Variants in HEMK2 observed in about 807,000 individuals in gnomAD.
The protein encoded by HEMK2 is methyltransferase HEMK2.
chr21:28,728,122 A>G, the HEMK2 span, among the ~76,000 whole-genome samples: 2 of 152,286 alleles, frequency 1.3e-5, no homozygotes, highest in African/African-American at 4.8e-5. Flanking sequence ...CTTAAACTCT[A>G]AGTTTGTGGT....
At chr21:28,842,798 A>G in the HEMK2 span, among the ~76,000 whole-genome samples, 2 of 152,166 alleles carry the variant, frequency 1.3e-5, no homozygotes, top group East Asian at 3.8e-4. Context: ...CCAGTAAGCA[A>G]CTGGGAAGAT....
chr21:28,864,865 A>AGATG, the HEMK2 span, among the ~76,000 whole-genome samples: 11 of 131,308 alleles, frequency 8.4e-5, no homozygotes, highest in Admixed American at 3.9e-4. Context: ...ATAGATAGAT[A>AGATG]GATGGATGAT....
At chr21:28,643,844 C>G in the HEMK2 span, among the ~76,000 whole-genome samples, 1 of 152,350 alleles carries the variant, frequency 6.6e-6, no homozygotes, top group East Asian at 1.9e-4. Flanking sequence ...ATGAAGTCAG[C>G]AGGAAGCTCT....
chr21:28,744,597 T>C, the HEMK2 span, among the ~76,000 whole-genome samples: 1 of 152,222 alleles, frequency 6.6e-6, no homozygotes, highest in Non-Finnish European at 1.5e-5. Context: ...ACTTATCCAC[T>C]AATTTATGAT....
At chr21:28,808,749 GT>G in the HEMK2 span, among the ~76,000 whole-genome samples, 1 of 151,978 alleles carries the variant, frequency 6.6e-6, no homozygotes, top group African/African-American at 2.4e-5. Context: ...TCACTTATGA[GT>G]TCTAGTGGTT....
chr21:28,877,462 GA>G, the HEMK2 span, among the ~76,000 whole-genome samples: 846 of 147,994 alleles, frequency 5.7e-3, 13 homozygotes, highest in African/African-American at 0.02. Context: ...CAGAAGGAAG[GA>G]AAAAAAGAAG....
chr21:28,614,625 T>G, the HEMK2 span, among the ~76,000 whole-genome samples: 1 of 152,268 alleles, frequency 6.6e-6, no homozygotes, highest in East Asian at 1.9e-4. Context: ...CTAAATGACA[T>G]TTTTTGGAAG....
At chr21:28,841,433 T>TATAAA in the HEMK2 span, among the ~76,000 whole-genome samples, 13 of 79,178 alleles carry the variant, frequency 1.6e-4, 1 homozygote, top group African/African-American at 6.2e-4. Flanking sequence ...ATAAAATATA[T>TATAAA]ATATTATATA....
At chr21:28,754,027 A>C in the HEMK2 span, among the ~76,000 whole-genome samples, 1 of 152,220 alleles carries the variant, frequency 6.6e-6, no homozygotes, top group Non-Finnish European at 1.5e-5. Flanking sequence ...AAGATCATTC[A>C]GTACGTGTTT....
the HEMK2 span, among the ~76,000 whole-genome samples, chr21:28,844,213 A>C: frequency 6.6e-6 from 1 of 152,088 alleles, no homozygotes; most frequent in African/African-American, 2.4e-5. Context: ...ATTAACAGTC[A>C]ATACCATCTG....
At chr21:28,681,497 A>G in the HEMK2 span, among the ~76,000 whole-genome samples, 1 of 152,244 alleles carries the variant, frequency 6.6e-6, no homozygotes, top group East Asian at 1.9e-4. Flanking sequence ...TATAGATTCA[A>G]TGCCATCCCC....
At chr21:28,864,429 CAAAAGAG>C in the HEMK2 span, among the ~76,000 whole-genome samples, 1 of 152,074 alleles carries the variant, frequency 6.6e-6, no homozygotes, top group Admixed American at 6.5e-5. Flanking sequence ...GATGTATGTC[CAAAAGAG>C]CATTGCACCA....
chr21:28,691,571 C>T, the HEMK2 span, among the ~76,000 whole-genome samples: 1 of 152,010 alleles, frequency 6.6e-6, no homozygotes, highest in Non-Finnish European at 1.5e-5. Flanking sequence ...ATACTGCCCC[C>T]GAGCCTGCAA....
At chr21:28,596,183 AT>A in the HEMK2 span, among the ~76,000 whole-genome samples, 4 of 151,748 alleles carry the variant, frequency 2.6e-5, no homozygotes, top group Admixed American at 6.6e-5. Flanking sequence ...CACCTGGCTA[AT>A]TTTTTTGTAT....
At chr21:28,640,990 G>C in the HEMK2 span, among the ~76,000 whole-genome samples, 1 of 152,026 alleles carries the variant, frequency 6.6e-6, no homozygotes, top group East Asian at 1.9e-4. Context: ...GCGCATATTG[G>C]GCTTTTAGTA....
chr21:28,791,393 A>G, the HEMK2 span, among the ~76,000 whole-genome samples: 1 of 152,106 alleles, frequency 6.6e-6, no homozygotes, highest in East Asian at 1.9e-4. Flanking sequence ...TCCTGGATAA[A>G]GAATCTTTCA....
chr21:28,738,707 C>T, the HEMK2 span, among the ~76,000 whole-genome samples: 2 of 152,202 alleles, frequency 1.3e-5, no homozygotes, highest in South Asian at 2.1e-4. Context: ...ACAGAGCTTA[C>T]GTCCTAGGAA....
chr21:28,882,902 T>C, the HEMK2 span: 1 of 940,596 alleles, frequency 1.1e-6, no homozygotes. Context: ...ATAAGATACA[T>C]ACTGTCTCTT....
the HEMK2 span, among the ~76,000 whole-genome samples, chr21:28,702,531 A>G: frequency 6.6e-6 from 1 of 152,190 alleles, no homozygotes; most frequent in Non-Finnish European, 1.5e-5. Context: ...ATGAAGACAC[A>G]CACGCAGCCA....
Sources: allele counts gnomAD v4.1 joint callset (sites outside exome capture counted in the v4.1 genomes callset), GRCh38; gene constraint gnomAD v4.1.1; transcripts MANE v1.5; gene names NCBI Gene and HGNC (gene_info 2026-07-23, HGNC 2026-07-21).